The following NXPE2 variants were observed in gnomAD, a reference collection of about 807,000 sequenced individuals.
The protein encoded by NXPE2 is neurexophilin and PC-esterase domain family member 2.
A neutral mutation model predicts 34.4 loss-of-function variants in NXPE2; 34 were observed. The observed-to-expected ratio is 0.99, with a 90% confidence interval of 0.75 to 1.31. The LOEUF (loss-of-function observed/expected upper bound fraction) is 1.31, where lower values mean the gene tolerates loss of function less well. Among genes scored for constraint, NXPE2 ranks in the 40% most tolerant of loss-of-function variants. NXPE2 has a pLI of 0.00. For missense variants in NXPE2, 649 were observed against 672.5 expected (o/e 0.97, Z 0.39); for synonymous variants, 235 against 231.3 (o/e 1.02, Z -0.15).
chr11:114,698,361 T>C lies in NXPE2; in HGVS notation c.449T>C (p.Leu150Pro). 1 of 1,613,988 alleles carries C rather than the reference T, an allele frequency of 6.2e-7. No homozygotes were observed. Among genetic ancestry groups the C allele is most frequent in the Non-Finnish European group, 8.5e-7 (1 of 1,179,938 alleles). Reference protein sequence around the residue: ...GHRKQYGGDFLRARMYSTALM... With the variant: ...GHRKQYGGDFPRARMYSTALM... ...AGGAAGCAATATGGTGGGGATTTCC[T>C]GAGGGCCAGGATGTACTCCACAGCA... Residue 150 changes from leucine to proline, a missense_variant, in exon 3 of 6, where the codon CTG (leucine) becomes CCG (proline). By Grantham distance (98) the Leu-to-Pro change is moderately conservative. Transcript: ENST00000389586.
At chr11:114,708,582 A>G (rs1000911277), downstream of NXPE2, among the ~76,000 whole-genome samples, 3 of 151,626 alleles carry the variant, frequency 2.0e-5, no homozygotes, top group East Asian at 5.8e-4. Context: ...GTGAGCCAAG[A>G]TTGCACCACC....
At chr11:114,710,813 G>C (rs571656420), downstream of NXPE2, among the ~76,000 whole-genome samples, 1 of 152,030 alleles carries the variant, frequency 6.6e-6, no homozygotes, top group South Asian at 2.1e-4. Context: ...TGATATCCCT[G>C]ATAAGCATAG....
chr11:114,539,113 A>G, the NXPE2 span, among the ~76,000 whole-genome samples: 2 of 152,232 alleles, frequency 1.3e-5, no homozygotes, highest in Non-Finnish European at 2.9e-5. Context: ...ATAAAAAATA[A>G]TGAGTTCCTG....
At chr11:114,527,947 T>C in the NXPE2 span, 1 of 1,431,838 alleles carries the variant, frequency 7.0e-7, no homozygotes, top group Non-Finnish European at 9.7e-7. Context: ...TCTCTGCCCA[T>C]GTAACACAGG....
chr11:114,803,874 G>A, the NXPE2 span, among the ~76,000 whole-genome samples: 37 of 151,844 alleles, frequency 2.4e-4, 1 homozygote, highest in South Asian at 2.1e-3. Context: ...CACCATGCCC[G>A]CCCCCCTCAG....
the NXPE2 span, among the ~76,000 whole-genome samples, chr11:114,803,475 G>A: frequency 6.6e-6 from 1 of 152,182 alleles, no homozygotes; most frequent in African/African-American, 2.4e-5. Flanking sequence ...CTGAGACCAA[G>A]GCACTGGTGG....
the NXPE2 span, among the ~76,000 whole-genome samples, chr11:114,569,702 G>A: frequency 1.3e-4 from 20 of 152,182 alleles, no homozygotes; most frequent in Admixed American, 2.6e-4. Context: ...CCACTGCAGC[G>A]TCAAACCCCT....
the NXPE2 span, among the ~76,000 whole-genome samples, chr11:114,727,587 C>T: frequency 6.6e-6 from 1 of 151,970 alleles, no homozygotes; most frequent in East Asian, 1.9e-4. Context: ...TCTGACACAA[C>T]TTATAATACA....
the NXPE2 span, among the ~76,000 whole-genome samples, chr11:114,642,921 A>G: frequency 6.6e-6 from 1 of 152,106 alleles, no homozygotes; most frequent in Non-Finnish European, 1.5e-5. Flanking sequence ...GCTCTCCAGC[A>G]TCGGATGTTT....
At chr11:114,707,304 C>T (rs2678157), downstream of NXPE2, 100,081 of 285,976 alleles carry the variant, frequency 0.35, 18,300 homozygotes, top group South Asian at 0.38. Flanking sequence ...TCTGGTTGGC[C>T]AGGCTGGTCT....
chr11:114,471,060 G>A, the NXPE2 span, among the ~76,000 whole-genome samples: 2 of 152,096 alleles, frequency 1.3e-5, no homozygotes, highest in Admixed American at 1.3e-4. Flanking sequence ...TTTGTGATTA[G>A]CAAATCTTTT....
chr11:114,636,677 G>T, the NXPE2 span, among the ~76,000 whole-genome samples: 3 of 151,982 alleles, frequency 2.0e-5, no homozygotes, highest in African/African-American at 7.3e-5. Context: ...TGTTCTCATT[G>T]ATTTCAAAGA....
chr11:114,677,085 A>T (rs1950867221), upstream of NXPE2, among the ~76,000 whole-genome samples: 1 of 152,090 alleles, frequency 6.6e-6, no homozygotes, highest in African/African-American at 2.4e-5. Flanking sequence ...TCATATAAAT[A>T]GAGTAGAATC....
chr11:114,509,007 G>C, the NXPE2 span, among the ~76,000 whole-genome samples: 1 of 152,018 alleles, frequency 6.6e-6, no homozygotes, highest in Non-Finnish European at 1.5e-5. Flanking sequence ...CAAACGATGC[G>C]TCTGACAAAG....
the NXPE2 span, among the ~76,000 whole-genome samples, chr11:114,802,679 TTTTGAAA>T: frequency 2.6e-5 from 4 of 152,208 alleles, no homozygotes; most frequent in Non-Finnish European, 1.5e-5. Context: ...ATACGCAGCC[TTTTGAAA>T]TTTGAGTCTA....
chr11:114,718,200 C>G, the NXPE2 span, among the ~76,000 whole-genome samples: 37 of 152,304 alleles, frequency 2.4e-4, no homozygotes, highest in East Asian at 6.9e-3. Flanking sequence ...TGGTTCCTTA[C>G]TATCAGATCT....
the NXPE2 span, among the ~76,000 whole-genome samples, chr11:114,625,378 C>G: frequency 6.6e-6 from 1 of 152,136 alleles, no homozygotes; most frequent in African/African-American, 2.4e-5. Context: ...TGGGTAACCA[C>G]TGTTACCCAG....
the NXPE2 span, chr11:114,580,204 C>T: frequency 6.2e-7 from 1 of 1,614,046 alleles, no homozygotes; most frequent in African/African-American, 1.3e-5. Context: ...ATGAGTTTTC[C>T]TCTCAGGCAT....
At chr11:114,540,748 C>T in the NXPE2 span, among the ~76,000 whole-genome samples, 1 of 146,348 alleles carries the variant, frequency 6.8e-6, no homozygotes, top group African/African-American at 2.5e-5. Flanking sequence ...GAAGAAGGTG[C>T]CATTAAGAGG....
Sources: allele counts gnomAD v4.1 joint callset (sites outside exome capture counted in the v4.1 genomes callset), GRCh38; gene constraint gnomAD v4.1.1; transcripts MANE v1.5; gene names NCBI Gene and HGNC (gene_info 2026-07-23, HGNC 2026-07-21).